Variants in CCDC88C observed in about 807,000 individuals in gnomAD.
The protein encoded by CCDC88C is coiled-coil and HOOK domain protein 88C.
A neutral mutation model predicts 198.8 loss-of-function variants in CCDC88C; 131 were observed. That is an observed-to-expected ratio of 0.66 (90% confidence interval 0.57 to 0.76). CCDC88C has a LOEUF of 0.76. CCDC88C is among the 30% of genes least tolerant of loss of function. The pLI is 0.00. For synonymous variants in CCDC88C, 1,166 were observed against 1,114.7 expected, an observed-to-expected ratio of 1.05 and a Z score of -0.92; for missense variants, 2,553 against 2,631.6, an observed-to-expected ratio of 0.97 and a Z score of 0.65.
intron 2 of CCDC88C, among the ~76,000 whole-genome samples, chr14:91,414,846 G>T (rs575527799): frequency 1.3e-5 from 2 of 152,116 alleles, no homozygotes; most frequent in Non-Finnish European, 1.5e-5. Context: ...AAATTGCCCA[G>T]GGAAGGGGAG....
At chr14:91,326,936 C>T (rs557671005) in intron 10 of CCDC88C, among the ~76,000 whole-genome samples, 1 of 152,324 alleles carries the variant, frequency 6.6e-6, no homozygotes, top group African/African-American at 2.4e-5. Flanking sequence ...CAAATGTATA[C>T]AGCTGAGGGG....
chr14:91,311,094 C>T (rs775758277), intron 15 of CCDC88C, among the ~76,000 whole-genome samples: 3 of 152,102 alleles, frequency 2.0e-5, no homozygotes, highest in Non-Finnish European at 2.9e-5. Context: ...GTGTAGAGAC[C>T]GTGGAGCCAC....
At position 91,339,896 on chromosome 14, in the gene CCDC88C, G is replaced by A. The variant is rs368679007; in HGVS notation, c.612C>T (p.Asp204=). ...LHLRRLIDQR[D]ECTELIVDLT... ...CCCGCGGACGCACCTCGGTGCACTCGTCCCGCTGGTCGATGAGCCTCCGCA... is the reference window on the plus strand; with the variant it reads ...CCCGCGGACGCACCTCGGTGCACTCATCCCGCTGGTCGATGAGCCTCCGCA... The change falls in exon 7 of 30, where the codon GAC becomes GAT. Residue 204 remains aspartate (D), a synonymous_variant. Transcript: ENST00000389857. The surrounding 1 kb of genome is among the most constrained non-coding windows in gnomAD (Gnocchi z 5.8). 70 of 1,587,484 alleles carry A rather than the reference G, an allele frequency of 4.4e-5. No homozygotes were observed. Among genetic ancestry groups the A allele is most frequent in the Non-Finnish European group, 5.3e-5 (62 of 1,168,214 alleles).
rs370624081 is a variant in CCDC88C at position 91,324,770 on chromosome 14, G to T, written c.1342+9C>A. On this transcript the variant is annotated intron_variant, in intron 12 of 29. Transcript: ENST00000389857. ...CCAGGCTGGCTCCCCGGCACCAGGC[G>T]CTACCTACCGTCTGACAAGTCTGCG... 6.2e-6 allele frequency: 10 copies of T among 1,608,834 alleles called. No homozygotes were observed. Among genetic ancestry groups the T allele is most frequent in the Non-Finnish European group, 7.6e-6 (9 of 1,179,730 alleles).
In CCDC88C at chr14:91,338,752, A is replaced by G. The variant is rs1303870851; in HGVS notation, c.810-182T>C. Reference sequence around the variant, plus strand: ...ACTGACTCAAAATTCTTTTCTTTTCATAAGTTTGCAACACCGGCCCTTAAA... The same window carrying G: ...ACTGACTCAAAATTCTTTTCTTTTCGTAAGTTTGCAACACCGGCCCTTAAA... On this transcript the variant is annotated intron_variant, in intron 8 of 29. Transcript: ENST00000389857. This position sits in a 1 kb window ranked among gnomAD's most constrained non-coding sequence, Gnocchi z 4.8. 5.1e-6 allele frequency: 3 copies of G among 593,692 alleles called. No individual in the cohort carries two copies. The highest frequency in any genetic ancestry group is 2.0e-5 in the South Asian group (1 of 49,992). The allele number at this position is 593,692 out of a possible 1,614,324, so 36.8% of individuals were successfully genotyped here. A position where few individuals can be genotyped will look rare whatever the true frequency, so the allele number is the denominator to read the frequency against.
chr14:91,344,363 G>A (rs1021266613), intron 4 of CCDC88C, among the ~76,000 whole-genome samples: 7 of 151,990 alleles, frequency 4.6e-5, no homozygotes, highest in African/African-American at 9.7e-5. Flanking sequence ...AAACAGACAC[G>A]GGAGGACAGT....
chr14:91,316,178 C>A (rs1732081778), intron 13 of CCDC88C, among the ~76,000 whole-genome samples: 6 of 152,174 alleles, frequency 3.9e-5, no homozygotes, highest in Admixed American at 3.3e-4. Context: ...TCCTCTTTCA[C>A]CTCCATGGAA....
In CCDC88C at chr14:91,408,783, C is replaced by T. The variant is rs376436899; in HGVS notation, c.162-16G>A. 8.9e-6 allele frequency: 14 copies of T among 1,568,490 alleles called. No individual in the cohort carries two copies. Among genetic ancestry groups the T allele is most frequent in the African/African-American group, 1.4e-5 (1 of 74,070 alleles). On this transcript the variant is annotated splice_polypyrimidine_tract_variant and intron_variant, in intron 2 of 29. Coordinates refer to ENST00000389857, the MANE Select transcript of CCDC88C (RefSeq NM_001080414.4). The stretch of plus-strand genomic sequence containing the variant: ...CCTGGGATCTCTAGGGGAAGAAACA[C>T]GAGAATGGAAATTGCATCTCCCAGC...
intron 20 of CCDC88C, among the ~76,000 whole-genome samples, 200 bp downstream of exon 20, chr14:91,303,482 TCCAGGCTCCACCCCTCTCC>T (rs1458114506): frequency 1.2e-5 from 1 of 86,510 alleles, no homozygotes; most frequent in Non-Finnish European, 2.2e-5. Flanking sequence ...CTGCCTCTCC[TCCAGGCTCCACCCCTCTCC>T]CCAGGCCCCA....
intron 3 of CCDC88C, among the ~76,000 whole-genome samples, chr14:91,407,752 TG>T (rs1165381157): frequency 6.6e-6 from 1 of 152,190 alleles, no homozygotes; most frequent in African/African-American, 2.4e-5. Context: ...AAGACTCAAC[TG>T]GCCTTCCCAA....
intron 10 of CCDC88C, among the ~76,000 whole-genome samples, chr14:91,335,411 G>A (rs1016003438): frequency 1.3e-5 from 2 of 151,930 alleles, no homozygotes; most frequent in African/African-American, 2.4e-5. Context: ...CTGACCTCAG[G>A]TGTCTCTCCT....
At chr14:91,283,886 C>T (rs1261858500) in intron 25 of CCDC88C, among the ~76,000 whole-genome samples, 1 of 152,210 alleles carries the variant, frequency 6.6e-6, no homozygotes, top group Non-Finnish European at 1.5e-5. Flanking sequence ...AACTCCAATC[C>T]CTGACTTCCA....
At chr14:91,291,367 G>A (rs10484028) in intron 23 of CCDC88C, among the ~76,000 whole-genome samples, 5,417 of 152,284 alleles carry the variant, frequency 0.036, 127 homozygotes, top group Non-Finnish European at 0.054. Context: ...GAAAACTCAC[G>A]CTCGGAAGAC....
At chr14:91,399,208 T>C (rs1234250111) in intron 3 of CCDC88C, among the ~76,000 whole-genome samples, 1 of 152,112 alleles carries the variant, frequency 6.6e-6, no homozygotes, top group African/African-American at 2.4e-5. Flanking sequence ...CCCATCTGCA[T>C]TCCCAGCCAG....
chr14:91,396,342 C>A (rs755980594), intron 3 of CCDC88C, among the ~76,000 whole-genome samples: 1 of 152,190 alleles, frequency 6.6e-6, no homozygotes, highest in Non-Finnish European at 1.5e-5. Flanking sequence ...TTCTTTTTAA[C>A]GACTTGAGAA....
At chr14:91,310,748 C>T (rs371692492) in intron 15 of CCDC88C, among the ~76,000 whole-genome samples, 3 of 152,150 alleles carry the variant, frequency 2.0e-5, no homozygotes, top group East Asian at 1.9e-4. Flanking sequence ...GAATGCATGT[C>T]GGTGGTTCAC....
At chr14:91,309,742 G>T in intron 16 of CCDC88C, 117 bp downstream of exon 16, 2 of 1,090,608 alleles carry the variant, frequency 1.8e-6, no homozygotes, top group Non-Finnish European at 2.5e-6. Context: ...AACCGCGTGA[G>T]GTCACAGCCC....
At chr14:91,377,015 C>T (rs944480516) in intron 3 of CCDC88C, among the ~76,000 whole-genome samples, 1 of 150,800 alleles carries the variant, frequency 6.6e-6, no homozygotes. Flanking sequence ...AACCAACTGC[C>T]ACAAAGTGGC....
intron 6 of CCDC88C, among the ~76,000 whole-genome samples, chr14:91,341,039 A>G (rs1893290559): frequency 6.7e-6 from 1 of 148,572 alleles, no homozygotes; most frequent in Non-Finnish European, 1.5e-5. Context: ...AACCCATAAA[A>G]TAAAAAGCAG....
Sources: gnomAD v4.1 joint callset for allele counts (sites outside exome capture counted in the v4.1 genomes callset) on GRCh38, gnomAD v4.1.1 for gene constraint, Gnocchi (gnomAD v3.1) non-coding constraint, MANE v1.5 for transcripts, NCBI Gene and HGNC (gene_info 2026-07-23, HGNC 2026-07-21) for gene names.